The following NDUFAF2 variants were observed in gnomAD, a reference collection of about 807,000 sequenced individuals.
The protein encoded by NDUFAF2 is NADH dehydrogenase [ubiquinone] 1 alpha subcomplex assembly factor 2.
Under a neutral mutation model 22.8 loss-of-function variants are expected in NDUFAF2, and 13 were observed. The observed-to-expected ratio is 0.57, with a 90% CI of 0.37 to 0.91. The LOEUF (loss-of-function observed/expected upper bound fraction) is 0.91, where lower values mean the gene tolerates loss of function less well. Among genes scored for constraint, NDUFAF2 ranks in the 40% least tolerant of loss-of-function variants. The probability of loss-of-function intolerance (pLI) is 0.01; values close to 1 mark genes in which losing one functional copy is unlikely to be tolerated. For synonymous variants in NDUFAF2, 53 were observed against 64.2 expected (o/e 0.83, Z 0.84); for missense variants, 162 against 195.2 (o/e 0.83, Z 1.01).
rs903145381 is a variant in NDUFAF2, at chr5:61,106,022, G to A, written c.258+6990G>A. Among the ~76,000 whole-genome samples the A allele has an allele frequency of 8.6e-5, 13 of 151,348 alleles. 1 individual carries two copies. Among genetic ancestry groups the A allele is most frequent in the African/African-American group, 2.7e-4 (11 of 40,724 alleles). On this transcript the variant is annotated intron_variant, in intron 3 of 3. Transcript: ENST00000296597. ...AACTCTGAAAGTGGAGTTTAAGCTCGCACTAAAAACAATGACCTAGTTAAA... is the reference window on the plus strand; with the variant it reads ...AACTCTGAAAGTGGAGTTTAAGCTCACACTAAAAACAATGACCTAGTTAAA...
intron 3 of NDUFAF2, among the ~76,000 whole-genome samples, chr5:61,121,887 G>C (rs1375168002): frequency 6.8e-6 from 1 of 147,990 alleles, no homozygotes; most frequent in Admixed American, 6.9e-5. Flanking sequence ...CTGGAATACA[G>C]TGGCATGATC....
intron 3 of NDUFAF2, among the ~76,000 whole-genome samples, chr5:61,113,782 A>G (rs1011379711): frequency 6.6e-6 from 1 of 151,230 alleles, no homozygotes; most frequent in African/African-American, 2.4e-5. Flanking sequence ...TGTCTTTATT[A>G]GCAACATAAG....
intron 1 of NDUFAF2, among the ~76,000 whole-genome samples, chr5:61,041,447 A>C (rs1204350057): frequency 1.3e-5 from 2 of 152,166 alleles, no homozygotes; most frequent in Non-Finnish European, 2.9e-5. Flanking sequence ...TTTAATACAC[A>C]AAGATTCCCA....
At chr5:61,093,928 T>C (rs1418343464) in intron 2 of NDUFAF2, among the ~76,000 whole-genome samples, 1 of 152,220 alleles carries the variant, frequency 6.6e-6, no homozygotes, top group East Asian at 1.9e-4. Flanking sequence ...TATTACTGCC[T>C]CAATTTCAGA....
chr5:61,015,336 C>T (rs1375832065), intron 1 of NDUFAF2, among the ~76,000 whole-genome samples: 3 of 152,128 alleles, frequency 2.0e-5, no homozygotes, highest in African/African-American at 7.2e-5. Flanking sequence ...GGCTGAAGTG[C>T]AGTGGCATGA....
At chr5:60,981,538 T>A (rs755756068) in intron 1 of NDUFAF2, among the ~76,000 whole-genome samples, 1 of 152,162 alleles carries the variant, frequency 6.6e-6, no homozygotes, top group Non-Finnish European at 1.5e-5. Flanking sequence ...CAAAGAATAC[T>A]GTCACACTGA....
chr5:61,145,270 A>T (rs1051237953), intron 3 of NDUFAF2, among the ~76,000 whole-genome samples: 1 of 152,222 alleles, frequency 6.6e-6, no homozygotes, highest in Non-Finnish European at 1.5e-5. Flanking sequence ...GCTTAAGTTC[A>T]CATCACTGAG....
At chr5:61,136,668 G>C (rs1286436714) in intron 3 of NDUFAF2, among the ~76,000 whole-genome samples, 1 of 152,106 alleles carries the variant, frequency 6.6e-6, no homozygotes, top group Non-Finnish European at 1.5e-5. Context: ...AAAAGCATTA[G>C]AGTTGAACAG....
intron 1 of NDUFAF2, among the ~76,000 whole-genome samples, chr5:61,011,342 A>G (rs930345228): frequency 6.6e-6 from 1 of 152,094 alleles, no homozygotes; most frequent in Admixed American, 6.6e-5. Flanking sequence ...ACCAATGAGA[A>G]GTGTCTGCCC....
Position 60,990,195 on chromosome 5 carries a change from A to G in NDUFAF2, c.127+44813A>G, listed in dbSNP as rs190834834. ...AGTGGAGTTGTTAATGGTTGCAAAA[A>G]TATACAGAATGACTAGGACCTAGTA... On this transcript the variant is annotated intron_variant, in intron 1 of 3. Coordinates refer to ENST00000296597, the MANE Select transcript of NDUFAF2 (RefSeq NM_174889.5). Among the ~76,000 whole-genome samples, 36 of 152,286 alleles carry G rather than the reference A, an allele frequency of 2.4e-4. No homozygotes were observed. In the East Asian group the frequency reaches 6.8e-3, roughly 29 times the overall value.
At chr5:60,960,715 G>A (rs1014138449) in intron 1 of NDUFAF2, among the ~76,000 whole-genome samples, 1 of 152,102 alleles carries the variant, frequency 6.6e-6, no homozygotes, top group African/African-American at 2.4e-5. Flanking sequence ...AAATGAATTG[G>A]AAATGTACCT....
intron 3 of NDUFAF2, among the ~76,000 whole-genome samples, chr5:61,130,327 A>T (rs1262669067): frequency 6.6e-6 from 1 of 152,084 alleles, no homozygotes; most frequent in Non-Finnish European, 1.5e-5. Flanking sequence ...GCATCACAAG[A>T]CTCTTCCTAA....
chr5:60,974,907 C>G (rs1750882165), intron 1 of NDUFAF2, among the ~76,000 whole-genome samples: 1 of 152,110 alleles, frequency 6.6e-6, no homozygotes, highest in Non-Finnish European at 1.5e-5. Flanking sequence ...CTTCCTCCTC[C>G]CGGGTTCAAG....
At chr5:61,073,355 T>C in intron 2 of NDUFAF2, 141 bp downstream of exon 2, 3 of 690,818 alleles carry the variant, frequency 4.3e-6, no homozygotes. Flanking sequence ...TTTGTTTTTT[T>C]AACATTGCAT....
intron 1 of NDUFAF2, among the ~76,000 whole-genome samples, chr5:61,038,813 C>T (rs1202888935): frequency 1.3e-5 from 2 of 151,932 alleles, no homozygotes; most frequent in Non-Finnish European, 2.9e-5. Flanking sequence ...CATTTGAGGT[C>T]ATGTTTCTTA....
At chr5:61,079,819 C>T (rs1252855188) in intron 2 of NDUFAF2, among the ~76,000 whole-genome samples, 1 of 152,120 alleles carries the variant, frequency 6.6e-6, no homozygotes, top group Non-Finnish European at 1.5e-5. Flanking sequence ...CCTTGGTCTC[C>T]CTAGACTCCC....
chr5:61,014,855 A>G (rs530610377), intron 1 of NDUFAF2, among the ~76,000 whole-genome samples: 1 of 152,288 alleles, frequency 6.6e-6, no homozygotes, highest in African/African-American at 2.4e-5. Context: ...TAAGACTGAT[A>G]AACTTTCTAT....
intron 1 of NDUFAF2, among the ~76,000 whole-genome samples, chr5:60,953,379 C>T (rs1187286853): frequency 1.3e-5 from 2 of 151,986 alleles, no homozygotes; most frequent in African/African-American, 4.8e-5. Flanking sequence ...ACAAAAATAC[C>T]TTGTTAAAAC....
At chr5:61,103,093 G>A (rs1752722057) in intron 3 of NDUFAF2, among the ~76,000 whole-genome samples, 1 of 152,056 alleles carries the variant, frequency 6.6e-6, no homozygotes, top group African/African-American at 2.4e-5. Flanking sequence ...AATTCTCCCG[G>A]CCACCTTGAA....
Sources: gnomAD v4.1 joint callset for allele counts (sites outside exome capture counted in the v4.1 genomes callset) on GRCh38, gnomAD v4.1.1 for gene constraint, MANE v1.5 for transcripts, NCBI Gene and HGNC (gene_info 2026-07-23, HGNC 2026-07-21) for gene names.